The following HEATR9 variants were observed in gnomAD, a reference collection of about 807,000 sequenced individuals.
HEATR9 encodes the protein HEAT repeat containing 9, also known as protein HEATR9.
A neutral mutation model predicts 68.2 loss-of-function variants in HEATR9; 54 were observed. The observed-to-expected ratio is 0.79, with a 90% confidence interval of 0.64 to 0.99. The LOEUF (loss-of-function observed/expected upper bound fraction) is 0.99. Ranked by LOEUF, HEATR9 falls within the 50% of genes least tolerant of loss-of-function variation. The pLI, the probability that HEATR9 is intolerant of heterozygous loss-of-function variation, is 0.00. For missense variants in HEATR9, 662 were observed against 679.7 expected (o/e 0.97, Z 0.29); for synonymous variants, 241 against 253.5 (o/e 0.95, Z 0.47).
Position 35,855,045 on chromosome 17 carries a change from T to C in HEATR9, c.*18A>G. Reference sequence around the variant, plus strand: ...CATCTTCAGGGAGGGAGTCGGGGAGTAGGCCCAAAGAATTGACTTATTTGG... The same window carrying C: ...CATCTTCAGGGAGGGAGTCGGGGAGCAGGCCCAAAGAATTGACTTATTTGG... On this transcript the variant is annotated 3_prime_UTR_variant, in exon 15 of 15. Coordinates refer to ENST00000604834, the MANE Select transcript of HEATR9 (RefSeq NM_152781.4). 6.3e-7 allele frequency: 1 copy of C among 1,596,290 alleles called. No individual in the cohort carries two copies. The highest frequency in any genetic ancestry group is 8.6e-7 in the Non-Finnish European group (1 of 1,167,842).
intron 2 of HEATR9, 41 bp from the exon 3 acceptor site, chr17:35,865,437 A>C: frequency 6.4e-7 from 1 of 1,556,574 alleles, no homozygotes; most frequent in Non-Finnish European, 8.8e-7. Context: ...GGGGTCCCCT[A>C]GGCCCTTACT....
chr17:35,858,763 GA>G, intron 9 of HEATR9, 124 bp downstream of exon 9: 1 of 1,093,240 alleles, frequency 9.1e-7, no homozygotes, highest in Non-Finnish European at 1.3e-6. Flanking sequence ...CTCATACATG[GA>G]CATAGTCATA....
Position 35,864,267 on chromosome 17 carries a change from G to T in HEATR9, c.546C>A (p.Val182=). The T allele has an allele frequency of 3.1e-6, 5 of 1,613,024 alleles. No individual in the cohort carries two copies. The highest frequency in any genetic ancestry group is 4.2e-6 in the Non-Finnish European group (5 of 1,178,994). ...TCACCACCTGCTGTAGTGCCTCCAT[G>T]ACAAACTTGTCACTGATGCGTAAGC... ...LGCLRISDKF[V]MEALQQVAQT... is the part of the protein sequence containing the mutation. Residue 182 remains valine (V), a synonymous_variant, in exon 6 of 15, where the codon GTC becomes GTA. Transcript: ENST00000604834.
At chr17:35,858,565 G>A (rs12944169) in intron 9 of HEATR9, 40 bp from the exon 10 acceptor site, 2 of 1,563,848 alleles carry the variant, frequency 1.3e-6, no homozygotes, top group Non-Finnish European at 1.8e-6. Flanking sequence ...ACAGGGCCTA[G>A]AGGCATCTGT....
Position 35,855,118 on chromosome 17 carries a change from G to T in HEATR9, c.1658C>A (p.Pro553His). Residue 553 changes from proline to histidine, a missense_variant, in exon 15 of 15, where the codon CCC becomes CAC. Physicochemically the swap from Pro to His is moderately conservative, Grantham distance 77. Coordinates refer to ENST00000604834, the MANE Select transcript of HEATR9 (RefSeq NM_152781.4). ...CTGTTTCTTGATCCTTGGCTGCCAG[G>T]GCCCTATGACCTGTGGCCTATGTTT... ...PRKHRPQVIG[P>H]WQPRIKKQLR... 1 of 1,614,116 alleles carries T rather than the reference G, an allele frequency of 6.2e-7. No homozygotes were observed. Among genetic ancestry groups the T allele is most frequent in the South Asian group, 1.1e-5 (1 of 91,074 alleles).
At chr17:35,857,649 C>T (rs1260208820) in intron 11 of HEATR9, among the ~76,000 whole-genome samples, 1 of 151,920 alleles carries the variant, frequency 6.6e-6, no homozygotes, top group Non-Finnish European at 1.5e-5. Flanking sequence ...GTCCCAGCTA[C>T]TCGGGAGGCT....
intron 2 of HEATR9, among the ~76,000 whole-genome samples, chr17:35,865,904 C>A (rs1324254137): frequency 6.6e-6 from 1 of 152,166 alleles, no homozygotes; most frequent in East Asian, 1.9e-4. Context: ...TTGCAGTTAT[C>A]CCTGCCCTCA....
chr17:35,862,583 T>C (rs968968759), intron 8 of HEATR9, among the ~76,000 whole-genome samples: 4 of 152,242 alleles, frequency 2.6e-5, no homozygotes, highest in Non-Finnish European at 4.4e-5. Context: ...AACAGTACTA[T>C]CAGACAATTA....
chr17:35,864,182 C>T, intron 6 of HEATR9, 64 bp downstream of exon 6: 1 of 1,400,968 alleles, frequency 7.1e-7, no homozygotes, highest in Non-Finnish European at 1.0e-6. Flanking sequence ...CGTCTGTGCC[C>T]ACATGCCACA....
At chr17:35,864,680 C>G in intron 4 of HEATR9, 78 bp downstream of exon 4, 1 of 1,602,940 alleles carries the variant, frequency 6.2e-7, no homozygotes, top group South Asian at 1.1e-5. Context: ...GGACTGAGGG[C>G]TGAAGGATGG....
intron 2 of HEATR9, among the ~76,000 whole-genome samples, chr17:35,865,743 A>G (rs1456587582): frequency 1.3e-5 from 2 of 152,200 alleles, no homozygotes; most frequent in African/African-American, 2.4e-5. Context: ...GAGGATCTCA[A>G]AGCACTTTGA....
At position 35,864,168 on chromosome 17, in the gene HEATR9, G is replaced by A. The variant is rs777190120; in HGVS notation, c.567+78C>T. 3.2e-6 allele frequency: 4 copies of A among 1,250,974 alleles called. No homozygotes were observed. The East Asian group carries it at 7.0e-5, about 22-fold the overall frequency. The allele number at this position is 1,250,974 out of a possible 1,614,324, so 77.5% of individuals were successfully genotyped here. On this transcript the variant is annotated intron_variant, in intron 6 of 14. Coordinates refer to ENST00000604834, the MANE Select transcript of HEATR9 (RefSeq NM_152781.4). ...ACCCGCCATCCTAGCACCCCGGGGA[G>A]CCTCGTCTGTGCCCACATGCCACAC... is the stretch of plus-strand genomic sequence containing the variant.
chr17:35,866,762 C>T lies in HEATR9; in HGVS notation c.100G>A (p.Ala34Thr), dbSNP rs567543736. The T allele has an allele frequency of 9.3e-6, 15 of 1,614,050 alleles. No individual in the cohort carries two copies. In the African/African-American group the frequency reaches 1.7e-4, roughly 19 times the overall value. The change falls in exon 2 of 15, where the codon GCC (alanine) becomes ACC (threonine). Residue 34 changes from alanine to threonine, a missense_variant. Ala to Thr is a moderately conservative substitution (Grantham distance 58). Coordinates refer to ENST00000604834, the MANE Select transcript of HEATR9 (RefSeq NM_152781.4). ...AAGGGCAGATGAACAGGAGCCATGGCTTTTCTGAGTTCTGGCAAGAGGGAT... is the reference window on the plus strand; with the variant it reads ...AAGGGCAGATGAACAGGAGCCATGGTTTTTCTGAGTTCTGGCAAGAGGGAT... ...YPDKTKELRK[A>T]MAPVHLPLSC...
chr17:35,868,560 A>G, intron 1 of HEATR9, 95 bp downstream of exon 1: 2 of 1,565,958 alleles, frequency 1.3e-6, no homozygotes, highest in East Asian at 4.5e-5. Flanking sequence ...GGGTTTGCTG[A>G]ACTCACCTAG....
chr17:35,865,473 A>G, intron 2 of HEATR9, 77 bp from the exon 3 acceptor site: 1 of 1,095,394 alleles, frequency 9.1e-7, no homozygotes, highest in East Asian at 2.5e-5. Context: ...AGGAGGGGGT[A>G]AAGGGAGGGA....
intron 10 of HEATR9, 56 bp from the exon 11 acceptor site, chr17:35,858,375 A>C: frequency 1.9e-6 from 3 of 1,614,010 alleles, no homozygotes; most frequent in South Asian, 2.2e-5. Flanking sequence ...TCCCTTCTTC[A>C]TCCCCTAACC....
chr17:35,863,446 A>AAGG, intron 7 of HEATR9, 56 bp downstream of exon 7: 1 of 1,563,322 alleles, frequency 6.4e-7, no homozygotes, highest in African/African-American at 1.4e-5. Context: ...TCCTTACCCA[A>AAGG]AGGAGAAAGT....
intron 11 of HEATR9, among the ~76,000 whole-genome samples, chr17:35,857,280 G>C (rs562606964): frequency 6.6e-6 from 1 of 152,290 alleles, no homozygotes; most frequent in East Asian, 1.9e-4. Context: ...ATCAGGACAT[G>C]GTTGTCGTAA....
At position 35,855,246 on chromosome 17, in the gene HEATR9, GTC is replaced by G. The variant is rs1340921135; in HGVS notation, c.1528_1529del (p.Asp510LeufsTer37). Reference sequence around the variant, plus strand: ...AGGGGTTCAGCTTTGCAAGTCGAAAGTCTTGAATAGTTAACTCTTCTGGGTTC... The same window carrying G: ...AGGGGTTCAGCTTTGCAAGTCGAAAGTTGAATAGTTAACTCTTCTGGGTTC... The part of the protein sequence containing the change: ...PENPEELTIQ[D>X]FRLAKLNPLF... On this transcript the variant is annotated frameshift_variant, in exon 15 of 15. Transcript: ENST00000604834. LOFTEE classifies it low-confidence loss of function (END_TRUNC). 3 of 1,614,196 alleles carry G rather than the reference GTC, an allele frequency of 1.9e-6. No homozygotes were observed. In the African/African-American group the frequency reaches 4.0e-5, roughly 22 times the overall value.
Sources: gnomAD v4.1 joint callset for allele counts (sites outside exome capture counted in the v4.1 genomes callset) on GRCh38, gnomAD v4.1.1 for gene constraint, MANE v1.5 for transcripts, NCBI Gene and HGNC (gene_info 2026-07-23, HGNC 2026-07-21) for gene names.